Variants in GPR141 observed in about 807,000 individuals in gnomAD.
GPR141 encodes G protein-coupled receptor 141, also known as probable G protein-coupled receptor 141.
In GPR141, 6 loss-of-function variants were observed where a neutral mutation model predicts 6.8. That is an observed-to-expected ratio of 0.88 (90% CI 0.48 to 1.74). GPR141 has a LOEUF of 1.74. Ranked by LOEUF, GPR141 falls within the 40% of genes most tolerant of loss-of-function variation. The pLI is 0.01. For missense variants in GPR141, 372 were observed against 372.9 expected (o/e 1.00, Z 0.02); for synonymous variants, 140 against 142.3 (o/e 0.98, Z 0.11).
At chr7:37,712,027 C>T (rs566450693) in intron 2 of GPR141, among the ~76,000 whole-genome samples, 1 of 152,314 alleles carries the variant, frequency 6.6e-6, no homozygotes, top group African/African-American at 2.4e-5. Context: ...CCAGGAAGCA[C>T]CTTTAGGATT....
chr7:37,697,894 C>T (rs1414365572), intron 2 of GPR141, among the ~76,000 whole-genome samples: 1 of 152,000 alleles, frequency 6.6e-6, no homozygotes, highest in Admixed American at 6.6e-5. Flanking sequence ...TAGTAAGTGC[C>T]AATACCAAGG....
chr7:37,718,555 G>GGAAGGAAGGAAGGAAA lies in GPR141; in HGVS notation c.-14-21822_-14-21821insGGAAGGAAGGAAAGAA, dbSNP rs1283717499. Among the ~76,000 whole-genome samples the GGAAGGAAGGAAGGAAA allele has an allele frequency of 2.5e-4, 38 of 150,424 alleles. No individual in the cohort carries two copies. In the East Asian group the frequency reaches 4.9e-3, roughly 19 times the overall value. On this transcript the variant is annotated intron_variant, in intron 2 of 2. Coordinates refer to ENST00000334425, the MANE Select transcript of GPR141 (RefSeq NM_001381946.1). ...AGGAAGGAAGGAAGGAAGGAAGGAA[G>GGAAGGAAGGAAGGAAA]GAAAGAAAGAAGGAAGGGATTCTAG...
At chr7:37,709,695 G>A (rs868749740) in intron 2 of GPR141, 6 of 152,080 alleles carry the variant, frequency 3.9e-5, no homozygotes, top group East Asian at 1.9e-4. Flanking sequence ...GTCACTTTAC[G>A]TTGTCCACAC....
chr7:37,710,916 T>G (rs1187020570), intron 2 of GPR141, among the ~76,000 whole-genome samples: 1 of 152,188 alleles, frequency 6.6e-6, no homozygotes, highest in African/African-American at 2.4e-5. Flanking sequence ...CTGATAGTGT[T>G]TTAGGTTCTT....
At chr7:37,684,271 G>A (rs1223567031) in intron 1 of GPR141, among the ~76,000 whole-genome samples, 1 of 152,026 alleles carries the variant, frequency 6.6e-6, no homozygotes, top group Admixed American at 6.5e-5. Flanking sequence ...ATTTCCTTTT[G>A]TTATGAAAAT....
In GPR141 at chr7:37,731,459, C is replaced by A. The variant is rs573977102; in HGVS notation, c.-14-8921C>A. On this transcript the variant is annotated intron_variant, in intron 2 of 2. Transcript: ENST00000334425. ...TCCCATCAATCTCTAGAATAGCATC[C>A]CATATGCAAAGGAATACTCTGTCGC... 2.6e-5 allele frequency among the ~76,000 whole-genome samples: 4 copies of A among 152,242 alleles called. No homozygotes were observed. The East Asian group carries it at 7.7e-4, about 29-fold the overall frequency.
chr7:37,736,120 T>G (rs949733312), intron 2 of GPR141, among the ~76,000 whole-genome samples: 1 of 151,988 alleles, frequency 6.6e-6, no homozygotes, highest in Admixed American at 6.6e-5. Context: ...TAGCCGGGTG[T>G]GGAGACCTGT....
At chr7:37,736,053 G>T (rs902241229) in intron 2 of GPR141, among the ~76,000 whole-genome samples, 1 of 152,158 alleles carries the variant, frequency 6.6e-6, no homozygotes, top group Non-Finnish European at 1.5e-5. Flanking sequence ...GAGGTCAGGA[G>T]TTTGAGACCA....
At chr7:37,702,810 A>ATAAATAAAT (rs370670425) in intron 2 of GPR141, among the ~76,000 whole-genome samples, 11,031 of 118,636 alleles carry the variant, frequency 0.093, 609 homozygotes, top group South Asian at 0.24. Flanking sequence ...TCAATTCAAA[A>ATAAATAAAT]AAAAAAATAA....
chr7:37,735,834 G>T (rs949681375), intron 2 of GPR141, among the ~76,000 whole-genome samples: 1 of 152,170 alleles, frequency 6.6e-6, no homozygotes, highest in Non-Finnish European at 1.5e-5. Flanking sequence ...TGAAATAGAT[G>T]AGAAAATTTC....
chr7:37,735,224 G>A (rs1269616954), intron 2 of GPR141, among the ~76,000 whole-genome samples: 3 of 152,176 alleles, frequency 2.0e-5, no homozygotes, highest in African/African-American at 4.8e-5. Flanking sequence ...TTAGTGAAGA[G>A]GTCATGACTC....
chr7:37,712,420 A>G (rs1371197546), intron 2 of GPR141, among the ~76,000 whole-genome samples: 1 of 152,150 alleles, frequency 6.6e-6, no homozygotes, highest in African/African-American at 2.4e-5. Flanking sequence ...AGGATGAAAG[A>G]AACAAAGACA....
chr7:37,687,948 G>A (rs551096448), intron 2 of GPR141, among the ~76,000 whole-genome samples: 2 of 152,196 alleles, frequency 1.3e-5, no homozygotes, highest in South Asian at 4.1e-4. Context: ...TTTAGATTTT[G>A]TGAGCCAAAC....
intron 2 of GPR141, among the ~76,000 whole-genome samples, chr7:37,703,965 A>G (rs1171128766): frequency 6.6e-6 from 1 of 152,066 alleles, no homozygotes; most frequent in South Asian, 2.1e-4. Flanking sequence ...CTTTTAATAT[A>G]TTACATTATT....
At position 37,733,393 on chromosome 7, in the gene GPR141, C is replaced by T. The variant is rs201244363; in HGVS notation, c.-14-6987C>T. 2.1e-3 allele frequency among the ~76,000 whole-genome samples: 318 copies of T among 152,198 alleles called. 1 individual carries two copies. The highest frequency in any genetic ancestry group is 3.5e-3 in the Non-Finnish European group (238 of 68,002). ...GAAAACCACAGATAAGTATTACAGC[C>T]AGGCAGGGTGGCTCACGCTTGTAAT... On this transcript the variant is annotated intron_variant, in intron 2 of 2. Coordinates refer to ENST00000334425, the MANE Select transcript of GPR141 (RefSeq NM_001381946.1).
intron 2 of GPR141, among the ~76,000 whole-genome samples, chr7:37,734,352 C>T (rs1218480945): frequency 6.6e-6 from 1 of 152,180 alleles, no homozygotes; most frequent in African/African-American, 2.4e-5. Flanking sequence ...ACACTGCAAA[C>T]AGTAGTAGAA....
rs540193006 is a variant in GPR141, at chr7:37,737,584, C to CTT, written c.-14-2786_-14-2785dup. ...AAAACATTGTGAGATTTATTTTTAA[C>CTT]TTTTTTTTTTTAGCTCATTAGTTAT... On this transcript the variant is annotated intron_variant, in intron 2 of 2. Transcript: ENST00000334425. Among the ~76,000 whole-genome samples the CTT allele has an allele frequency of 4.8e-5, 7 of 147,366 alleles. No individual in the cohort carries two copies. The South Asian group carries it at 1.3e-3, about 27-fold the overall frequency.
At chr7:37,706,207 A>G (rs1316802066) in intron 2 of GPR141, among the ~76,000 whole-genome samples, 1 of 152,152 alleles carries the variant, frequency 6.6e-6, no homozygotes, top group Admixed American at 6.5e-5. Context: ...CTTATTATTC[A>G]TGGCGTCTAA....
At chr7:37,690,556 A>C (rs1809710957) in intron 2 of GPR141, among the ~76,000 whole-genome samples, 1 of 152,190 alleles carries the variant, frequency 6.6e-6, no homozygotes. Flanking sequence ...CCATGAGCCA[A>C]ATAAACCTCT....
Sources: gnomAD v4.1 joint callset for allele counts (sites outside exome capture counted in the v4.1 genomes callset) on GRCh38, gnomAD v4.1.1 for gene constraint, MANE v1.5 for transcripts, NCBI Gene and HGNC (gene_info 2026-07-23, HGNC 2026-07-21) for gene names.